The following PTMS variants were observed in gnomAD, a reference collection of about 807,000 sequenced individuals.
PTMS encodes parathymosin.
A neutral mutation model predicts 18.4 loss-of-function variants in PTMS; 5 were observed. The observed-to-expected ratio is 0.27, with a 90% CI of 0.14 to 0.57. The LOEUF (loss-of-function observed/expected upper bound fraction) is 0.57. Among genes scored for constraint, PTMS ranks in the 20% least tolerant of loss-of-function variants. The pLI, the probability that PTMS is intolerant of heterozygous loss-of-function variation, is 0.92. For synonymous variants in PTMS, 53 were observed against 47.7 expected (o/e 1.11, Z -0.46); for missense variants, 93 against 124.6 (o/e 0.75, Z 1.21).
intron 1 of PTMS, among the ~76,000 whole-genome samples, chr12:6,768,837 G>GA (rs756759999): frequency 6.6e-6 from 1 of 152,136 alleles, no homozygotes; most frequent in Non-Finnish European, 1.5e-5. Flanking sequence ...CCCAGTCACA[G>GA]ACCTTGTTTG....
chr12:6,766,566 G>A lies in PTMS; in HGVS notation c.-140G>A. 1 of 331,402 alleles carries A rather than the reference G, an allele frequency of 3.0e-6. No homozygotes were observed. The highest frequency in any genetic ancestry group is 3.6e-5 in the South Asian group (1 of 27,684). The allele number at this position is 331,402 out of a possible 1,614,324, so 20.5% of individuals were successfully genotyped here. On this transcript the variant is annotated 5_prime_UTR_variant, in exon 1 of 5. Coordinates refer to ENST00000309083, the MANE Select transcript of PTMS (RefSeq NM_002824.6). Reference sequence around the variant, plus strand: ...CTCTTCCAGAGACCCAGCTTGCCGAGCGGCCGCCGCTGCCGCTGTCGCCGC... The same window carrying A: ...CTCTTCCAGAGACCCAGCTTGCCGAACGGCCGCCGCTGCCGCTGTCGCCGC...
intron 1 of PTMS, chr12:6,767,013 A>AC (rs1941774992): frequency 6.6e-6 from 1 of 150,702 alleles, no homozygotes; most frequent in Non-Finnish European, 1.4e-5. Flanking sequence ...AGCCGTCCCC[A>AC]CCCCTCTTCG....
chr12:6,766,581 G>A lies in PTMS; in HGVS notation c.-125G>A. On this transcript the variant is annotated 5_prime_UTR_variant, in exon 1 of 5. Coordinates refer to ENST00000309083, the MANE Select transcript of PTMS (RefSeq NM_002824.6). ...AGCTTGCCGAGCGGCCGCCGCTGCC[G>A]CTGTCGCCGCCGCCGCCGCCACCGC... The A allele has an allele frequency of 4.7e-6, 2 of 428,592 alleles. No individual in the cohort carries two copies. The highest frequency in any genetic ancestry group is 6.8e-6 in the Non-Finnish European group (2 of 294,130). 26.5% of individuals were successfully genotyped at this position (428,592 alleles called of 1,614,324 possible).
intron 1 of PTMS, among the ~76,000 whole-genome samples, chr12:6,767,793 T>C (rs1941793075): frequency 2.0e-5 from 3 of 152,250 alleles, no homozygotes; most frequent in South Asian, 2.1e-4. Context: ...TGTCTTTGTA[T>C]GTCTGAAATC....
intron 1 of PTMS, among the ~76,000 whole-genome samples, chr12:6,768,533 T>C (rs543178560): frequency 6.6e-6 from 1 of 152,266 alleles, no homozygotes; most frequent in South Asian, 2.1e-4. Context: ...CAGGGTGATC[T>C]CACACAGGAG....
In PTMS at chr12:6,770,696, C is replaced by T; in HGVS notation, c.*254C>T. ...AGCTGGCCCCCAATTGCTCCTCTCTCTCTTTGCTCTCTTTCTCCCTCCCCT... is the reference window on the plus strand; with the variant it reads ...AGCTGGCCCCCAATTGCTCCTCTCTTTCTTTGCTCTCTTTCTCCCTCCCCT... On this transcript the variant is annotated 3_prime_UTR_variant, in exon 5 of 5. Coordinates refer to ENST00000309083, the MANE Select transcript of PTMS (RefSeq NM_002824.6). This position sits in a 1 kb window ranked among gnomAD's most constrained non-coding sequence, Gnocchi z 7.3. The T allele has an allele frequency of 1.7e-6, 1 of 574,690 alleles. No homozygotes were observed. 35.6% of individuals were successfully genotyped at this position (574,690 alleles called of 1,614,324 possible). A position where few individuals can be genotyped will look rare whatever the true frequency, so the allele number is the denominator to read the frequency against.
At position 6,770,336 on chromosome 12, in the gene PTMS, CAG is replaced by C. The variant is rs1463748014; in HGVS notation, c.259-55_259-54del. 8.7e-6 allele frequency: 14 copies of C among 1,605,750 alleles called. No individual in the cohort carries two copies. The highest frequency in any genetic ancestry group is 3.3e-5 in the South Asian group (3 of 90,922). On this transcript the variant is annotated intron_variant, in intron 4 of 4. Coordinates refer to ENST00000309083, the MANE Select transcript of PTMS (RefSeq NM_002824.6). The surrounding 1 kb of genome is among the most constrained non-coding windows in gnomAD (Gnocchi z 7.3). The stretch of plus-strand genomic sequence containing the variant: ...GGTGGGGGCTGGAACAGGACCGGGA[CAG>C]GGGGAGGTCTCCCCTCCCATTTTAC...
intron 1 of PTMS, among the ~76,000 whole-genome samples, chr12:6,768,676 G>A (rs1184601015): frequency 6.6e-6 from 1 of 152,218 alleles, no homozygotes; most frequent in African/African-American, 2.4e-5. Flanking sequence ...TGAATTGGGA[G>A]GCTAGTGTAG....
rs372653257 is a variant in PTMS at position 6,769,655 on chromosome 12, G to A, written c.98G>A (p.Arg33Gln). The A allele has an allele frequency of 4.2e-5, 67 of 1,613,902 alleles. No homozygotes were observed. Among genetic ancestry groups the A allele is most frequent in the Non-Finnish European group, 5.2e-5 (61 of 1,179,980 alleles). Residue 33 changes from arginine to glutamine, a missense_variant, in exon 2 of 5, where the codon CGA becomes CAA. Arg to Gln is a conservative substitution (Grantham distance 43, BLOSUM62 1). Transcript: ENST00000309083. ...GAGGAGAAGGCAAGCCGGAAAGAGC[G>A]AAAGAAAGAAGTGGTGGAGGTGTGG... ...KVEEKASRKE[R>Q]KKEVVEEEEN...
intron 2 of PTMS, 102 bp downstream of exon 2, chr12:6,769,776 G>T (rs144752841): frequency 1.3e-6 from 2 of 1,597,250 alleles, no homozygotes; most frequent in Non-Finnish European, 1.7e-6. Context: ...GGGTCCTGCC[G>T]TTCCCCTGAG....
rs1941828355 is a variant in PTMS, at chr12:6,770,748, C to T, written c.*306C>T. On this transcript the variant is annotated 3_prime_UTR_variant, in exon 5 of 5. Coordinates refer to ENST00000309083, the MANE Select transcript of PTMS (RefSeq NM_002824.6). The surrounding 1 kb of genome is among the most constrained non-coding windows in gnomAD (Gnocchi z 7.3). ...CCAGCCTCATTCTTCCTCCGGTAGC[C>T]TCTCCCACCTAACCTCTGCATCCCC... The T allele has an allele frequency of 2.1e-6, 1 of 479,990 alleles. No homozygotes were observed. The highest frequency in any genetic ancestry group is 2.2e-5 in the South Asian group (1 of 46,412). The allele number at this position is 479,990 out of a possible 1,614,324, so 29.7% of individuals were successfully genotyped here.
chr12:6,767,915 G>A (rs531933549), intron 1 of PTMS, among the ~76,000 whole-genome samples: 43 of 152,330 alleles, frequency 2.8e-4, no homozygotes, highest in Non-Finnish European at 5.9e-4. Context: ...CTGTGCTCCC[G>A]TGCTGTCTCA....
chr12:6,769,452 A>G (rs1206340868), intron 1 of PTMS, 151 bp from the exon 2 acceptor site: 1 of 832,168 alleles, frequency 1.2e-6, no homozygotes, highest in Non-Finnish European at 2.0e-6. Context: ...TAATGTAAGG[A>G]CCCTAGGGCC....
rs1046477106 is a variant in PTMS at position 6,766,764 on chromosome 12, C to G, written c.45+14C>G. ...TTGAGCGCCAAGGTACGGGCGGGGGCGGCGGCGGCCCGGACCTCGCGCAGC... is the reference window on the plus strand; with the variant it reads ...TTGAGCGCCAAGGTACGGGCGGGGGGGGCGGCGGCCCGGACCTCGCGCAGC... On this transcript the variant is annotated intron_variant, in intron 1 of 4. Transcript: ENST00000309083. 2 of 1,059,646 alleles carry G rather than the reference C, an allele frequency of 1.9e-6. No individual in the cohort carries two copies. The highest frequency in any genetic ancestry group is 5.5e-5 in the Admixed American group (1 of 18,236). The allele number at this position is 1,059,646 out of a possible 1,614,324, so 65.6% of individuals were successfully genotyped here.
Position 6,770,541 on chromosome 12 carries a change from G to A in PTMS, c.*99G>A, listed in dbSNP as rs919742558. On this transcript the variant is annotated 3_prime_UTR_variant, in exon 5 of 5. Coordinates refer to ENST00000309083, the MANE Select transcript of PTMS (RefSeq NM_002824.6). This position sits in a 1 kb window ranked among gnomAD's most constrained non-coding sequence, Gnocchi z 7.3. Reference sequence around the variant, plus strand: ...CACTCTTCACCTGGCTCCCTGCTCTGGGCCCTGCACCAGAGCTGCCACCCT... The same window carrying A: ...CACTCTTCACCTGGCTCCCTGCTCTAGGCCCTGCACCAGAGCTGCCACCCT... 2.6e-5 allele frequency: 37 copies of A among 1,413,518 alleles called. No individual in the cohort carries two copies. The highest frequency in any genetic ancestry group is 3.7e-5 in the Non-Finnish European group (37 of 1,000,898). 87.6% of individuals were successfully genotyped at this position (1,413,518 alleles called of 1,614,324 possible).
Position 6,766,676 on chromosome 12 carries a change from C to T in PTMS, c.-30C>T, listed in dbSNP as rs1437214227. ...CGTCTCGGCCCCGGGACCCCGGCTCCCCGCCAGCCCCGGCCCCGGCCCCGG... is the reference window on the plus strand; with the variant it reads ...CGTCTCGGCCCCGGGACCCCGGCTCTCCGCCAGCCCCGGCCCCGGCCCCGG... On this transcript the variant is annotated 5_prime_UTR_variant, in exon 1 of 5. Transcript: ENST00000309083. 8.9e-7 allele frequency: 1 copy of T among 1,119,626 alleles called. No homozygotes were observed. Among genetic ancestry groups the T allele is most frequent in the South Asian group, 2.7e-5 (1 of 36,876 alleles). 69.4% of individuals were successfully genotyped at this position (1,119,626 alleles called of 1,614,324 possible). A position where few individuals can be genotyped will look rare whatever the true frequency, so the allele number is the denominator to read the frequency against.
At chr12:6,769,758 A>T in intron 2 of PTMS, 84 bp downstream of exon 2, 2 of 1,603,034 alleles carry the variant, frequency 1.2e-6, no homozygotes, top group Non-Finnish European at 1.7e-6. Flanking sequence ...TTTCCTTCCG[A>T]GGGTGCTGGG....
In PTMS at chr12:6,770,123, G is replaced by T; in HGVS notation, c.197-34G>T. On this transcript the variant is annotated intron_variant, in intron 3 of 4. Transcript: ENST00000309083. The surrounding 1 kb of genome is among the most constrained non-coding windows in gnomAD (Gnocchi z 7.3). ...CACGGGGGCTCTGCCAGAGCTTCCT[G>T]CCCTTCCCCAATGACCCATTTCTGG... The T allele has an allele frequency of 3.1e-6, 5 of 1,613,578 alleles. No homozygotes were observed. Among genetic ancestry groups the T allele is most frequent in the Non-Finnish European group, 4.2e-6 (5 of 1,179,836 alleles).
At chr12:6,768,756 T>G (rs1314950873) in intron 1 of PTMS, among the ~76,000 whole-genome samples, 1 of 152,000 alleles carries the variant, frequency 6.6e-6, no homozygotes, top group African/African-American at 2.4e-5. Flanking sequence ...GATCTTGGGG[T>G]GAAGGAGAGG....
Sources: allele counts gnomAD v4.1 joint callset (sites outside exome capture counted in the v4.1 genomes callset), GRCh38; gene constraint gnomAD v4.1.1; non-coding constraint Gnocchi (gnomAD v3.1); transcripts MANE v1.5; gene names NCBI Gene and HGNC (gene_info 2026-07-23, HGNC 2026-07-21).